Variants in FNBP1L observed in about 807,000 individuals in gnomAD.
The protein encoded by FNBP1L is formin binding protein 1 like, also known as formin-binding protein 1-like.
A neutral mutation model predicts 91.2 loss-of-function variants in FNBP1L; 36 were observed. The observed-to-expected ratio is 0.39, with a 90% CI of 0.30 to 0.52. The LOEUF (loss-of-function observed/expected upper bound fraction) is 0.52, where lower values mean the gene tolerates loss of function less well. FNBP1L is among the 20% of genes least tolerant of loss of function. The pLI, the probability that FNBP1L is intolerant of heterozygous loss-of-function variation, is 0.66. For missense variants in FNBP1L, 571 were observed against 732.1 expected, an observed-to-expected ratio of 0.78 and a Z score of 2.54; for synonymous variants, 242 against 237.0, an observed-to-expected ratio of 1.02 and a Z score of -0.19.
intron 2 of FNBP1L, among the ~76,000 whole-genome samples, chr1:93,515,542 T>A (rs971754409): frequency 5.9e-5 from 9 of 151,916 alleles, no homozygotes; most frequent in African/African-American, 2.2e-4. Context: ...TAGACTGGAT[T>A]AAGAAAATGT....
At chr1:93,495,004 T>C (rs1293462768) in intron 1 of FNBP1L, among the ~76,000 whole-genome samples, 3 of 147,384 alleles carry the variant, frequency 2.0e-5, no homozygotes, top group Admixed American at 6.8e-5. Context: ...GTCCATCCCA[T>C]GACATGTGGG....
chr1:93,462,611 A>G (rs759202331), intron 1 of FNBP1L, among the ~76,000 whole-genome samples: 1 of 152,156 alleles, frequency 6.6e-6, no homozygotes, highest in Non-Finnish European at 1.5e-5. Context: ...GTACTGGTCA[A>G]GCATATTGTA....
intron 4 of FNBP1L, 27 bp downstream of exon 4, chr1:93,523,518 G>T (rs545072666): frequency 6.9e-5 from 109 of 1,579,990 alleles, no homozygotes; most frequent in Admixed American, 3.8e-4. Flanking sequence ...TCATCCAATT[G>T]CAATAGTATA....
chr1:93,536,563 C>T (rs1671857619), intron 10 of FNBP1L, 73 bp downstream of exon 10: 1 of 1,326,484 alleles, frequency 7.5e-7, no homozygotes, highest in Non-Finnish European at 1.0e-6. Flanking sequence ...ACTCTCCACC[C>T]TCATTATAAG....
intron 1 of FNBP1L, among the ~76,000 whole-genome samples, chr1:93,452,261 T>C (rs570648641): frequency 2.0e-5 from 3 of 152,240 alleles, no homozygotes. Context: ...ACCCAGAGTA[T>C]TGATTACTAA....
At position 93,553,258 on chromosome 1, in the gene FNBP1L, G is replaced by C. The variant is rs1445222508; in HGVS notation, c.*842G>C. 2.6e-5 allele frequency: 4 copies of C among 152,650 alleles called. No homozygotes were observed. The highest frequency in any genetic ancestry group is 9.6e-5 in the African/African-American group (4 of 41,452). 9.5% of individuals were successfully genotyped at this position (152,650 alleles called of 1,614,324 possible). ...CACCACCTCAAGACAAAGGACTATT[G>C]TCAAAAGTCAGCTGCTTCCATTCAA... On this transcript the variant is annotated 3_prime_UTR_variant, in exon 17 of 17. Coordinates refer to ENST00000271234, the MANE Select transcript of FNBP1L (RefSeq NM_001164473.3).
At chr1:93,494,693 T>C (rs1247899589) in intron 1 of FNBP1L, among the ~76,000 whole-genome samples, 1 of 152,212 alleles carries the variant, frequency 6.6e-6, no homozygotes, top group Non-Finnish European at 1.5e-5. Flanking sequence ...ATATTTCTTA[T>C]TATGTAGCTG....
At chr1:93,449,938 C>T (rs1040945042) in intron 1 of FNBP1L, among the ~76,000 whole-genome samples, 1 of 151,642 alleles carries the variant, frequency 6.6e-6, no homozygotes, top group Non-Finnish European at 1.5e-5. Context: ...TGCATTCATT[C>T]GTTTTTATAA....
At chr1:93,511,684 C>T (rs967412659) in intron 2 of FNBP1L, among the ~76,000 whole-genome samples, 12 of 149,916 alleles carry the variant, frequency 8.0e-5, no homozygotes, top group East Asian at 5.8e-4. Context: ...AGTCAAGACC[C>T]GGCCGGGTGC....
At chr1:93,472,099 A>G (rs1557779385) in intron 1 of FNBP1L, among the ~76,000 whole-genome samples, 1 of 152,204 alleles carries the variant, frequency 6.6e-6, no homozygotes, top group Non-Finnish European at 1.5e-5. Context: ...CTTGAATCAG[A>G]TCTCTGGAAT....
chr1:93,525,171 T>C (rs1359458220), intron 5 of FNBP1L, among the ~76,000 whole-genome samples: 1 of 152,184 alleles, frequency 6.6e-6, no homozygotes, highest in African/African-American at 2.4e-5. Flanking sequence ...CATATTTCTC[T>C]GGTGGACACT....
Position 93,553,666 on chromosome 1 carries a change from C to G in FNBP1L, c.*1250C>G, listed in dbSNP as rs1474656675. Reference sequence around the variant, plus strand: ...AAATTTAGTGAAACTTTGTAATGATCTATGTGCACTTTTACTTGTAAAATG... The same window carrying G: ...AAATTTAGTGAAACTTTGTAATGATGTATGTGCACTTTTACTTGTAAAATG... On this transcript the variant is annotated 3_prime_UTR_variant, in exon 17 of 17. Coordinates refer to ENST00000271234, the MANE Select transcript of FNBP1L (RefSeq NM_001164473.3). The G allele has an allele frequency of 6.6e-6, 1 of 152,600 alleles. No homozygotes were observed. The allele number at this position is 152,600 out of a possible 1,614,324, so 9.5% of individuals were successfully genotyped here. A position where few individuals can be genotyped will look rare whatever the true frequency, so the allele number is the denominator to read the frequency against.
chr1:93,516,348 C>T lies in FNBP1L; in HGVS notation c.141-5734C>T, dbSNP rs775550424. Among the ~76,000 whole-genome samples, 5 of 152,190 alleles carry T rather than the reference C, an allele frequency of 3.3e-5. 1 individual carries two copies. Among genetic ancestry groups the T allele is most frequent in the Admixed American group, 1.3e-4 (2 of 15,286 alleles). On this transcript the variant is annotated intron_variant, in intron 2 of 16. Transcript: ENST00000271234. ...ATGCTCTACCACCTGAGCTATACCC[C>T]CTTTACCTGTTAAAAGCTCCCTCCT...
chr1:93,508,381 C>T (rs1431676785), intron 2 of FNBP1L, among the ~76,000 whole-genome samples: 1 of 152,006 alleles, frequency 6.6e-6, no homozygotes, highest in Admixed American at 6.5e-5. Context: ...TCTTTCAGAG[C>T]ATATGTTTTC....
intron 2 of FNBP1L, among the ~76,000 whole-genome samples, chr1:93,516,275 G>C (rs1469948822): frequency 1.3e-5 from 2 of 152,148 alleles, no homozygotes; most frequent in Non-Finnish European, 2.9e-5. Context: ...AAACATCCTG[G>C]AAGGGGGCAC....
At chr1:93,484,645 G>C (rs902435257) in intron 1 of FNBP1L, among the ~76,000 whole-genome samples, 1 of 152,216 alleles carries the variant, frequency 6.6e-6, no homozygotes, top group African/African-American at 2.4e-5. Flanking sequence ...AAGTAGTCTA[G>C]GTTGGTAGGT....
rs533584639 is a variant in FNBP1L at position 93,470,808 on chromosome 1, G to C, written c.24+22503G>C. 9.9e-5 allele frequency among the ~76,000 whole-genome samples: 15 copies of C among 150,788 alleles called. No homozygotes were observed. In the South Asian group the frequency reaches 2.7e-3, roughly 27 times the overall value. ...GAATGGCGTGAACCCGGGAGGCAGA[G>C]CTTGCAGTGAGCAGAGATCGTGCCA... On this transcript the variant is annotated intron_variant, in intron 1 of 16. Transcript: ENST00000271234.
chr1:93,499,099 G>T (rs1050413802), intron 1 of FNBP1L, among the ~76,000 whole-genome samples: 2 of 152,118 alleles, frequency 1.3e-5, no homozygotes, highest in African/African-American at 4.8e-5. Flanking sequence ...TTTTAGGGAG[G>T]CTTGGGGACC....
intron 1 of FNBP1L, among the ~76,000 whole-genome samples, chr1:93,452,703 T>G (rs1342340564): frequency 2.6e-5 from 4 of 152,238 alleles, no homozygotes; most frequent in Non-Finnish European, 4.4e-5. Context: ...TGGGACTGTC[T>G]ATAATATTGA....
Sources: allele counts gnomAD v4.1 joint callset (sites outside exome capture counted in the v4.1 genomes callset), GRCh38; gene constraint gnomAD v4.1.1; transcripts MANE v1.5; gene names NCBI Gene and HGNC (gene_info 2026-07-23, HGNC 2026-07-21).